The following TFDP1 variants were observed in gnomAD, a reference collection of about 807,000 sequenced individuals.
The protein encoded by TFDP1 is DRTF1-polypeptide 1.
A neutral mutation model predicts 48.0 loss-of-function variants in TFDP1; 6 were observed. The observed-to-expected ratio is 0.13, with a 90% CI of 0.07 to 0.25. TFDP1 has a LOEUF of 0.25. Among genes scored for constraint, TFDP1 ranks in the 10% least tolerant of loss-of-function variants. The probability of loss-of-function intolerance (pLI) is 1.00; values close to 1 mark genes in which losing one functional copy is unlikely to be tolerated. For synonymous variants in TFDP1, 201 were observed against 211.6 expected (o/e 0.95, Z 0.44); for missense variants, 335 against 543.0 (o/e 0.62, Z 3.81).
At chr13:113,591,574 G>T (rs2048147910) in intron 2 of TFDP1, among the ~76,000 whole-genome samples, 1 of 152,168 alleles carries the variant, frequency 6.6e-6, no homozygotes, top group Non-Finnish European at 1.5e-5. Flanking sequence ...GAAGTATCAG[G>T]TGCTCTTTAG....
At chr13:113,609,322 A>G (rs1049567828) in intron 2 of TFDP1, among the ~76,000 whole-genome samples, 7 of 152,294 alleles carry the variant, frequency 4.6e-5, no homozygotes, top group South Asian at 2.1e-4. Context: ...CAGGTGGTCA[A>G]TGGGACATCC....
Position 113,627,484 on chromosome 13 carries a change from A to G in TFDP1, c.187-4139A>G, listed in dbSNP as rs1329519417. On this transcript the variant is annotated intron_variant, in intron 4 of 11. Transcript: ENST00000375370. The surrounding 1 kb of genome is among the most constrained non-coding windows in gnomAD (Gnocchi z 4.1). Reference sequence around the variant, plus strand: ...CGCCACTGGCCCTGTCTCTCTGGACACCGCGGTTAACCTTGGTCCATCTCT... The same window carrying G: ...CGCCACTGGCCCTGTCTCTCTGGACGCCGCGGTTAACCTTGGTCCATCTCT... 6.6e-6 allele frequency among the ~76,000 whole-genome samples: 1 copy of G among 152,168 alleles called. No individual in the cohort carries two copies. The highest frequency in any genetic ancestry group is 1.5e-5 in the Non-Finnish European group (1 of 68,024).
chr13:113,586,385 T>C (rs72668780), intron 2 of TFDP1, among the ~76,000 whole-genome samples: 2,524 of 152,342 alleles, frequency 0.017, 44 homozygotes, highest in Middle Eastern at 0.027. Context: ...TTATGAAATC[T>C]GGTAAAAAAT....
chr13:113,632,823 G>A (rs1341894125), intron 5 of TFDP1, among the ~76,000 whole-genome samples: 5 of 152,320 alleles, frequency 3.3e-5, no homozygotes, highest in South Asian at 4.1e-4. Context: ...TTGGTGTACC[G>A]GCACATCTCC....
chr13:113,636,260 T>G (rs1432791074), intron 9 of TFDP1, 132 bp downstream of exon 9: 1 of 1,284,608 alleles, frequency 7.8e-7, no homozygotes, highest in Non-Finnish European at 1.1e-6. Context: ...TGCTGTCCAT[T>G]GGGGGGTGGT....
intron 3 of TFDP1, among the ~76,000 whole-genome samples, chr13:113,621,217 G>T (rs192790408): frequency 1.3e-5 from 2 of 152,246 alleles, no homozygotes; most frequent in Non-Finnish European, 2.9e-5. Context: ...ATGGGCGGCC[G>T]TCCGGGGAGG....
Position 113,623,375 on chromosome 13 carries a change from C to A in TFDP1, c.186+89C>A. ...GTGGTTGGGGATGTTCCCAGGTGTG[C>A]CTGGATTTGGGCTCCAGTTGCAGCA... On this transcript the variant is annotated intron_variant, in intron 4 of 11. Coordinates refer to ENST00000375370, the MANE Select transcript of TFDP1 (RefSeq NM_007111.5). The surrounding 1 kb of genome is among the most constrained non-coding windows in gnomAD (Gnocchi z 5.2). The A allele has an allele frequency of 7.7e-7, 1 of 1,303,630 alleles. No homozygotes were observed. The allele number at this position is 1,303,630 out of a possible 1,614,324, so 80.8% of individuals were successfully genotyped here. A position where few individuals can be genotyped will look rare whatever the true frequency, so the allele number is the denominator to read the frequency against.
chr13:113,626,525 G>A lies in TFDP1; in HGVS notation c.186+3239G>A, dbSNP rs149399716. Among the ~76,000 whole-genome samples the A allele has an allele frequency of 4.7e-3, 657 of 139,694 alleles. 9 individuals are homozygous for A. Among genetic ancestry groups the A allele is most frequent in the African/African-American group, 0.016 (617 of 37,898 alleles). The allele number at this position is 139,694 out of a possible 152,430, so 91.6% of individuals were successfully genotyped here. A position where few individuals can be genotyped will look rare whatever the true frequency, so the allele number is the denominator to read the frequency against. The stretch of plus-strand genomic sequence containing the variant: ...CCACTTCCCTGCGCCCCGCTTCCCC[G>A]CAGCCCCCCTCCCCGTGTGTGCTCC... On this transcript the variant is annotated intron_variant, in intron 4 of 11. Coordinates refer to ENST00000375370, the MANE Select transcript of TFDP1 (RefSeq NM_007111.5).
At chr13:113,587,545 C>T (rs568698738) in intron 2 of TFDP1, among the ~76,000 whole-genome samples, 5 of 142,994 alleles carry the variant, frequency 3.5e-5, no homozygotes, top group South Asian at 4.4e-4. Context: ...AGTGCAGTGA[C>T]GCGATCTTGG....
chr13:113,632,979 C>G (rs1174915592), intron 5 of TFDP1, 141 bp from the exon 6 acceptor site: 1 of 992,640 alleles, frequency 1.0e-6, no homozygotes, highest in African/African-American at 1.6e-5. Context: ...CTGGCCTGCT[C>G]ACGTGTTGGA....
chr13:113,591,023 A>AAAG (rs1301630965), intron 2 of TFDP1, among the ~76,000 whole-genome samples: 4 of 148,734 alleles, frequency 2.7e-5, no homozygotes, highest in East Asian at 3.9e-4. Context: ...AAAAAAAAAA[A>AAAG]AAAAAAAGAA....
rs760808939 is a variant in TFDP1, at chr13:113,599,740, G to A, written c.13-11256G>A. 7.2e-5 allele frequency among the ~76,000 whole-genome samples: 11 copies of A among 152,214 alleles called. No homozygotes were observed. The South Asian group carries it at 1.7e-3, about 23-fold the overall frequency. On this transcript the variant is annotated intron_variant, in intron 2 of 11. Coordinates refer to ENST00000375370, the MANE Select transcript of TFDP1 (RefSeq NM_007111.5). Reference sequence around the variant, plus strand: ...GAAGCTGGCTCTGCCCTGACCTCCCGCTTCCACATCCAGGACCGTGAGAGA... The same window carrying A: ...GAAGCTGGCTCTGCCCTGACCTCCCACTTCCACATCCAGGACCGTGAGAGA...
chr13:113,609,052 G>T (rs894215414), intron 2 of TFDP1, among the ~76,000 whole-genome samples: 7 of 152,242 alleles, frequency 4.6e-5, no homozygotes, highest in African/African-American at 1.7e-4. Flanking sequence ...ATCGTTGACC[G>T]CACGTCATGC....
intron 2 of TFDP1, among the ~76,000 whole-genome samples, chr13:113,590,870 C>T (rs573900594): frequency 1.4e-3 from 209 of 151,894 alleles, no homozygotes; most frequent in Non-Finnish European, 2.6e-3. Flanking sequence ...ATTAGCCAGG[C>T]ATGGTGGTGG....
intron 2 of TFDP1, among the ~76,000 whole-genome samples, chr13:113,595,340 T>C (rs1358989874): frequency 6.6e-6 from 1 of 152,120 alleles, no homozygotes; most frequent in African/African-American, 2.4e-5. Flanking sequence ...ATGGAGAACA[T>C]AAAAGACATC....
At chr13:113,600,817 G>A (rs763471255) in intron 2 of TFDP1, among the ~76,000 whole-genome samples, 7 of 137,784 alleles carry the variant, frequency 5.1e-5, no homozygotes, top group Non-Finnish European at 1.1e-4. Context: ...CTACAGGACC[G>A]TGAGAGACAA....
At chr13:113,613,304 G>A (rs1175076610) in intron 3 of TFDP1, among the ~76,000 whole-genome samples, 1 of 152,222 alleles carries the variant, frequency 6.6e-6, no homozygotes, top group Non-Finnish European at 1.5e-5. Context: ...GGGAGCCACT[G>A]CACCCGGCCA....
intron 10 of TFDP1, 143 bp from the exon 11 acceptor site, chr13:113,637,675 G>T (rs1474236906): frequency 6.5e-7 from 1 of 1,550,062 alleles, no homozygotes; most frequent in Admixed American, 1.9e-5. Context: ...GGCGCAGTGT[G>T]GAAAATACTG....
intron 2 of TFDP1, among the ~76,000 whole-genome samples, chr13:113,608,172 G>A (rs1385584171): frequency 6.6e-6 from 1 of 152,184 alleles, no homozygotes; most frequent in African/African-American, 2.4e-5. Context: ...ATGGGGAGGA[G>A]CAGCCCCCAC....
Sources: gnomAD v4.1 joint callset for allele counts (sites outside exome capture counted in the v4.1 genomes callset) on GRCh38, gnomAD v4.1.1 for gene constraint, Gnocchi (gnomAD v3.1) non-coding constraint, MANE v1.5 for transcripts, NCBI Gene and HGNC (gene_info 2026-07-23, HGNC 2026-07-21) for gene names.